VPS13B: variants seen among roughly 807,000 people sequenced by gnomAD.
The protein encoded by VPS13B is vacuolar protein sorting 13 homolog B.
In VPS13B, 285 loss-of-function variants were observed where a neutral mutation model predicts 426.4. The ratio of observed to expected loss-of-function variants is 0.67; its 90% CI spans 0.61 to 0.74. The LOEUF is 0.74. Ranked by LOEUF, VPS13B falls within the 30% of genes least tolerant of loss-of-function variation. The probability of loss-of-function intolerance (pLI) is 0.00; values close to 1 mark genes in which losing one functional copy is unlikely to be tolerated. For missense variants in VPS13B, 4,537 were observed against 4,782.6 expected (o/e 0.95, Z 1.51); for synonymous variants, 1,676 against 1,676.4 (o/e 1.00, Z 0.01).
chr8:99,665,795 G>A lies in VPS13B; in HGVS notation c.6046+4304G>A, dbSNP rs1290502753. 1.2e-4 allele frequency among the ~76,000 whole-genome samples: 18 copies of A among 152,168 alleles called. No individual in the cohort carries two copies. In the South Asian group the frequency reaches 1.5e-3, roughly 12 times the overall value. On this transcript the variant is annotated intron_variant, in intron 35 of 61. Transcript: ENST00000357162. ...TCTTTTGGCTTAGGATTGACTTGGC[G>A]ATGCGGGCTCTTTTTTGGTTCCATA...
At chr8:99,577,968 T>C (rs1391997551) in intron 33 of VPS13B, among the ~76,000 whole-genome samples, 1 of 152,132 alleles carries the variant, frequency 6.6e-6, no homozygotes, top group Non-Finnish European at 1.5e-5. Context: ...TACATTACAG[T>C]AATAAGGCCT....
At chr8:99,286,927 T>C (rs1819472479) in intron 19 of VPS13B, among the ~76,000 whole-genome samples, 1 of 152,120 alleles carries the variant, frequency 6.6e-6, no homozygotes, top group Non-Finnish European at 1.5e-5. Context: ...TTGTTGATAA[T>C]TCTGGGATAA....
At position 99,642,194 on chromosome 8, in the gene VPS13B, C is replaced by T. The variant is rs776279248; in HGVS notation, c.5604C>T (p.Ser1868=). ...DVAKPNQACI[S]TVTAEDLLRS... is the part of the protein sequence containing the mutation. ...CTAAGCCCAACCAGGCATGTATTTC[C>T]ACGGTGACAGCAGAAGATCTCTTAA... Residue 1868 remains serine (S), a synonymous_variant, in exon 34 of 62, where the codon TCC becomes TCT. Transcript: ENST00000357162. 1 of 1,614,094 alleles carries T rather than the reference C, an allele frequency of 6.2e-7. No individual in the cohort carries two copies. The highest frequency in any genetic ancestry group is 1.1e-5 in the South Asian group (1 of 91,074).
intron 50 of VPS13B, among the ~76,000 whole-genome samples, chr8:99,822,321 T>TA: frequency 1.3e-5 from 2 of 152,290 alleles, no homozygotes; most frequent in East Asian, 3.9e-4. Flanking sequence ...GGTGACTTTT[T>TA]AAAAAATAAA....
chr8:99,053,007 A>G (rs1320393678), intron 3 of VPS13B, among the ~76,000 whole-genome samples: 1 of 151,818 alleles, frequency 6.6e-6, no homozygotes, highest in Non-Finnish European at 1.5e-5. Flanking sequence ...GATTTTTTGA[A>G]GGGTTTTTTG....
chr8:99,285,420 T>A (rs546495991), intron 19 of VPS13B, among the ~76,000 whole-genome samples: 19 of 152,268 alleles, frequency 1.2e-4, no homozygotes, highest in African/African-American at 4.1e-4. Context: ...AGTAAACTGG[T>A]ATTCAGAGTA....
rs991796351 is a variant in VPS13B, at chr8:99,419,536, T to A, written c.3083-12001T>A. 3.9e-5 allele frequency among the ~76,000 whole-genome samples: 6 copies of A among 152,338 alleles called. No individual in the cohort carries two copies. In the South Asian group the frequency reaches 1.2e-3, roughly 32 times the overall value. ...GCAAGGCTTATTTTCTAGAGGTTTT[T>A]AATTTTTATATTTTTATCTTTTAGG... On this transcript the variant is annotated intron_variant, in intron 21 of 61. Transcript: ENST00000357162.
At chr8:99,310,166 C>T (rs890908751) in intron 19 of VPS13B, among the ~76,000 whole-genome samples, 3 of 152,108 alleles carry the variant, frequency 2.0e-5, no homozygotes, top group Admixed American at 6.6e-5. Flanking sequence ...TAATTGAATA[C>T]CCTTTATTTC....
At chr8:99,244,689 A>G (rs1490891053) in intron 17 of VPS13B, among the ~76,000 whole-genome samples, 1 of 152,236 alleles carries the variant, frequency 6.6e-6, no homozygotes, top group Non-Finnish European at 1.5e-5. Context: ...CTATAATAAC[A>G]CTAAGAGTAT....
intron 3 of VPS13B, among the ~76,000 whole-genome samples, chr8:99,072,266 AC>A (rs1844890383): frequency 6.6e-6 from 1 of 152,052 alleles, no homozygotes; most frequent in Admixed American, 6.5e-5. Flanking sequence ...GTGTTTATCC[AC>A]TGCCCAAGGG....
At chr8:99,101,455 A>G (rs1467472713) in intron 4 of VPS13B, among the ~76,000 whole-genome samples, 1 of 152,176 alleles carries the variant, frequency 6.6e-6, no homozygotes, top group Non-Finnish European at 1.5e-5. Context: ...TAAAATCTGC[A>G]TTGAGTAGTA....
At position 99,762,804 on chromosome 8, in the gene VPS13B, AT is replaced by A. The variant is rs372360137; in HGVS notation, c.7051-3969del. 1.7e-4 allele frequency among the ~76,000 whole-genome samples: 26 copies of A among 152,180 alleles called. No individual in the cohort carries two copies. In the East Asian group the frequency reaches 5.0e-3, roughly 29 times the overall value. On this transcript the variant is annotated intron_variant, in intron 39 of 61. Coordinates refer to ENST00000357162, the MANE Select transcript of VPS13B (RefSeq NM_152564.5). ...AATTCATGAGGGTAGCTATATTCTT[AT>A]CCCCCTTTTACACATATGGGAACTT...
At chr8:99,659,154 G>T (rs1830130019) in intron 34 of VPS13B, among the ~76,000 whole-genome samples, 1 of 152,054 alleles carries the variant, frequency 6.6e-6, no homozygotes, top group East Asian at 1.9e-4. Flanking sequence ...TCTGATAGGT[G>T]AAAATTTCTA....
chr8:99,832,367 A>ATTTTTTTT lies in VPS13B; in HGVS notation c.9331-2_9331-1insTTTTTTTT. The ATTTTTTTT allele has an allele frequency of 1.5e-6, 1 of 688,128 alleles. No individual in the cohort carries two copies. Among genetic ancestry groups the ATTTTTTTT allele is most frequent in the Non-Finnish European group, 1.8e-6 (1 of 546,622 alleles). 42.6% of individuals were successfully genotyped at this position (688,128 alleles called of 1,614,324 possible). ...TTTTTTTTTTTTTTTTTTTTTTTTT[A>ATTTTTTTT]GTATTTTCGTGTTCCAGACAGTGCT... On this transcript the variant is annotated splice_acceptor_variant, in intron 51 of 61. Coordinates refer to ENST00000357162, the MANE Select transcript of VPS13B (RefSeq NM_152564.5). LOFTEE classifies it high-confidence loss of function.
intron 33 of VPS13B, among the ~76,000 whole-genome samples, chr8:99,622,903 C>G (rs1409356356): frequency 6.6e-6 from 1 of 152,200 alleles, no homozygotes; most frequent in East Asian, 1.9e-4. Context: ...CTGTTTGTCT[C>G]TCTTCCAAGT....
chr8:99,111,382 A>C, intron 6 of VPS13B, 103 bp downstream of exon 6: 1 of 907,122 alleles, frequency 1.1e-6, no homozygotes, highest in Admixed American at 2.7e-5. Context: ...TTAACCTTGT[A>C]AATATGTATG....
chr8:99,478,447 G>GTTTTTTTTTTGTTTGTTTTTTTTTTT (rs1819824252), intron 24 of VPS13B, among the ~76,000 whole-genome samples: 1 of 85,776 alleles, frequency 1.2e-5, no homozygotes. Context: ...TTTTTGTTTT[G>GTTTTTTTTTTGTTTGTTTTTTTTTTT]TTTTTTTTTT....
At chr8:99,080,251 A>T (rs1374126859) in intron 3 of VPS13B, among the ~76,000 whole-genome samples, 1 of 151,502 alleles carries the variant, frequency 6.6e-6, no homozygotes, top group Non-Finnish European at 1.5e-5. Context: ...GTCTTAATGA[A>T]GTTGGGTTTT....
intron 33 of VPS13B, among the ~76,000 whole-genome samples, chr8:99,634,748 A>C (rs1043160770): frequency 3.3e-5 from 5 of 151,912 alleles, no homozygotes; most frequent in African/African-American, 1.2e-4. Context: ...AATAACATTA[A>C]TTGGTGACAC....
Sources: gnomAD v4.1 joint callset for allele counts (sites outside exome capture counted in the v4.1 genomes callset) on GRCh38, gnomAD v4.1.1 for gene constraint, MANE v1.5 for transcripts, NCBI Gene and HGNC (gene_info 2026-07-23, HGNC 2026-07-21) for gene names.